Variants in PIGX observed in about 807,000 individuals in gnomAD.
PIGX encodes the protein GPI alpha-1,4-mannosyltransferase I, stabilizing subunit.
Under a neutral mutation model 28.7 loss-of-function variants are expected in PIGX, and 24 were observed. That is an observed-to-expected ratio of 0.84 (90% confidence interval 0.60 to 1.17). PIGX has a LOEUF of 1.17. Among genes scored for constraint, PIGX ranks in the 50% most tolerant of loss-of-function variants. The probability of loss-of-function intolerance (pLI) is 0.00; values close to 1 mark genes in which losing one functional copy is unlikely to be tolerated. For synonymous variants in PIGX, 127 were observed against 121.0 expected, an observed-to-expected ratio of 1.05 and a Z score of -0.33; for missense variants, 305 against 317.8, an observed-to-expected ratio of 0.96 and a Z score of 0.31.
intron 1 of PIGX, among the ~76,000 whole-genome samples, chr3:196,716,370 T>C (rs1282242793): frequency 6.6e-6 from 1 of 152,200 alleles, no homozygotes; most frequent in Non-Finnish European, 1.5e-5. Flanking sequence ...TGCCAGTATG[T>C]ATCTATCTGA....
At position 196,712,616 on chromosome 3, in the gene PIGX, G is replaced by A. The variant is rs962004318; in HGVS notation, c.84G>A (p.Ala28=). 8.4e-7 allele frequency: 1 copy of A among 1,189,888 alleles called. No homozygotes were observed. Among genetic ancestry groups the A allele is most frequent in the African/African-American group, 1.6e-5 (1 of 62,674 alleles). 73.7% of individuals were successfully genotyped at this position (1,189,888 alleles called of 1,614,324 possible). Reference sequence around the variant, plus strand: ...CCGGGCTCACGCGCGGGCCCGCCGCGGCCTTCACCGCCGCGCGCTCTGACG... The same window carrying A: ...CCGGGCTCACGCGCGGGCCCGCCGCAGCCTTCACCGCCGCGCGCTCTGACG... The change falls in exon 1 of 6, where the codon GCG becomes GCA. Residue 28 remains alanine (A), a synonymous_variant. Coordinates refer to ENST00000392391, the MANE Select transcript of PIGX (RefSeq NM_017861.4).
At chr3:196,722,695 C>A (rs1712368970) in intron 3 of PIGX, 139 bp downstream of exon 3, 2 of 761,364 alleles carry the variant, frequency 2.6e-6, no homozygotes, top group African/African-American at 1.8e-5. Flanking sequence ...TGGGCATAGT[C>A]TTTGACAAGT....
chr3:196,732,250 A>T (rs1377270537), intron 5 of PIGX, among the ~76,000 whole-genome samples: 590 of 25,128 alleles, frequency 0.023, 70 homozygotes, highest in African/African-American at 0.12. Flanking sequence ...ATATATATAT[A>T]TATATATTTT....
At chr3:196,712,841 G>A (rs1220733569) in intron 1 of PIGX, 197 bp downstream of exon 1, 1 of 1,096,242 alleles carries the variant, frequency 9.1e-7, no homozygotes, top group East Asian at 5.4e-5. Context: ...GGGTCTCCGG[G>A]AGAGTCGGGC....
Position 196,722,688 on chromosome 3 carries a change from G to A in PIGX, c.318+132G>A, listed in dbSNP as rs149218490. ...AGTGACATTTTTAGAGATAGACTGG[G>A]CATAGTCTTTGACAAGTGAGTGACT... is the stretch of plus-strand genomic sequence containing the variant. On this transcript the variant is annotated intron_variant, in intron 3 of 5. Coordinates refer to ENST00000392391, the MANE Select transcript of PIGX (RefSeq NM_017861.4). The A allele has an allele frequency of 1.0e-4, 80 of 794,904 alleles. No individual in the cohort carries two copies. In the East Asian group the frequency reaches 2.0e-3, roughly 20 times the overall value. The allele number at this position is 794,904 out of a possible 1,614,324, so 49.2% of individuals were successfully genotyped here.
At chr3:196,714,677 G>A (rs1207019301) in intron 1 of PIGX, among the ~76,000 whole-genome samples, 2 of 152,152 alleles carry the variant, frequency 1.3e-5, no homozygotes, top group Non-Finnish European at 2.9e-5. Context: ...GGCCAGGTTG[G>A]TCTTAAACTG....
intron 4 of PIGX, among the ~76,000 whole-genome samples, chr3:196,729,963 G>C (rs1272638473): frequency 6.6e-6 from 1 of 151,328 alleles, no homozygotes; most frequent in Non-Finnish European, 1.5e-5. Context: ...CCAGCTACTT[G>C]GGAGGCTGAG....
intron 4 of PIGX, among the ~76,000 whole-genome samples, chr3:196,730,344 T>C (rs1352331470): frequency 6.6e-6 from 1 of 152,208 alleles, no homozygotes; most frequent in Non-Finnish European, 1.5e-5. Context: ...TATGGAAATT[T>C]ATCGAGTTTT....
At chr3:196,717,639 A>C (rs1307787674) in intron 2 of PIGX, among the ~76,000 whole-genome samples, 1 of 152,166 alleles carries the variant, frequency 6.6e-6, no homozygotes, top group African/African-American at 2.4e-5. Context: ...GTGGCATGAG[A>C]TAGATGATTT....
intron 4 of PIGX, among the ~76,000 whole-genome samples, chr3:196,729,296 G>T (rs1242190045): frequency 1.3e-5 from 2 of 151,458 alleles, no homozygotes; most frequent in Non-Finnish European, 2.9e-5. Flanking sequence ...TTACACCACT[G>T]CACTCTAGCC....
intron 3 of PIGX, among the ~76,000 whole-genome samples, chr3:196,724,028 T>G (rs1350175831): frequency 1.5e-4 from 22 of 150,724 alleles, no homozygotes; most frequent in East Asian, 1.2e-3. Flanking sequence ...TAATGTTTTT[T>G]TTTTTTTTTT....
At chr3:196,716,271 G>GT (rs11329124) in intron 1 of PIGX, among the ~76,000 whole-genome samples, 5 of 149,956 alleles carry the variant, frequency 3.3e-5, no homozygotes, top group African/African-American at 1.2e-4. Flanking sequence ...TTTGCTTTTT[G>GT]TTTTTTTTTT....
chr3:196,723,914 GC>G lies in PIGX; in HGVS notation c.318+1360del, dbSNP rs1467487593. 3.3e-5 allele frequency among the ~76,000 whole-genome samples: 5 copies of G among 151,752 alleles called. No homozygotes were observed. The East Asian group carries it at 7.7e-4, about 24-fold the overall frequency. ...AAAAGGTATGCAATGATAACATTCT[GC>G]CTGTGTCAACCACTAATCAGCAAGT... On this transcript the variant is annotated intron_variant, in intron 3 of 5. Coordinates refer to ENST00000392391, the MANE Select transcript of PIGX (RefSeq NM_017861.4).
chr3:196,719,317 G>A (rs2108679120), intron 2 of PIGX, among the ~76,000 whole-genome samples: 1 of 151,982 alleles, frequency 6.6e-6, no homozygotes, highest in East Asian at 1.9e-4. Context: ...TGGGTAAATT[G>A]AGTATTTATT....
chr3:196,729,639 G>A (rs973666853), intron 4 of PIGX, among the ~76,000 whole-genome samples: 1 of 151,106 alleles, frequency 6.6e-6, no homozygotes, highest in Admixed American at 6.6e-5. Context: ...CACCCGCCTC[G>A]GCCTCCCAAA....
intron 2 of PIGX, among the ~76,000 whole-genome samples, chr3:196,720,297 A>C (rs1291923047): frequency 1.3e-5 from 2 of 152,238 alleles, no homozygotes; most frequent in East Asian, 3.8e-4. Flanking sequence ...ATATAAGTGG[A>C]ATCATATAAT....
chr3:196,718,337 G>C (rs897836973), intron 2 of PIGX, among the ~76,000 whole-genome samples: 1 of 151,722 alleles, frequency 6.6e-6, no homozygotes, highest in Non-Finnish European at 1.5e-5. Context: ...GGGGGGGAAG[G>C]GTATAGTTAT....
In PIGX at chr3:196,735,912, T is replaced by C. The variant is rs1373870927; in HGVS notation, c.*2010T>C. On this transcript the variant is annotated 3_prime_UTR_variant, in exon 6 of 6. Transcript: ENST00000392391. ...TCATCACAACCAGGTTTCATCAGTATTTAAAATATTTAAGATTGTGGCTTG... is the reference window on the plus strand; with the variant it reads ...TCATCACAACCAGGTTTCATCAGTACTTAAAATATTTAAGATTGTGGCTTG... 6.6e-6 allele frequency: 1 copy of C among 152,196 alleles called. No individual in the cohort carries two copies. The highest frequency in any genetic ancestry group is 1.5e-5 in the Non-Finnish European group (1 of 68,036). 9.4% of individuals were successfully genotyped at this position (152,196 alleles called of 1,614,324 possible). A position where few individuals can be genotyped will look rare whatever the true frequency, so the allele number is the denominator to read the frequency against.
At chr3:196,726,877 C>G (rs1453494752) in intron 3 of PIGX, 1 of 238,274 alleles carries the variant, frequency 4.2e-6, no homozygotes, top group African/African-American at 2.3e-5. Flanking sequence ...TGAAGGTATT[C>G]AAGCAGTGGC....
Sources: allele counts gnomAD v4.1 joint callset (sites outside exome capture counted in the v4.1 genomes callset), GRCh38; gene constraint gnomAD v4.1.1; transcripts MANE v1.5; gene names NCBI Gene and HGNC (gene_info 2026-07-23, HGNC 2026-07-21).